Variants in MARK1 observed in about 807,000 individuals in gnomAD.
MARK1 encodes the protein microtubule affinity regulating kinase 1.
MARK1 carries 40 observed loss-of-function variants against 96.3 expected under a neutral mutation model. That is an observed-to-expected ratio of 0.42 (90% CI 0.32 to 0.54). The LOEUF is 0.54. Ranked by LOEUF, MARK1 falls within the 20% of genes least tolerant of loss-of-function variation. MARK1 has a pLI of 0.16. For synonymous variants in MARK1, 317 were observed against 341.2 expected (o/e 0.93, Z 0.78); for missense variants, 719 against 984.6 (o/e 0.73, Z 3.61).
At chr1:220,632,597 A>C (rs1667734070) in intron 11 of MARK1, among the ~76,000 whole-genome samples, 1 of 152,204 alleles carries the variant, frequency 6.6e-6, no homozygotes, top group Admixed American at 6.5e-5. Flanking sequence ...ATCCAAATGT[A>C]ACAGTCCCAC....
At chr1:220,534,972 A>G (rs1216355970) in intron 1 of MARK1, among the ~76,000 whole-genome samples, 1 of 152,030 alleles carries the variant, frequency 6.6e-6, no homozygotes, top group Admixed American at 6.5e-5. Context: ...TATAAATAAT[A>G]CCTCAGTAAA....
intron 11 of MARK1, among the ~76,000 whole-genome samples, chr1:220,633,173 T>C (rs1279854953): frequency 6.6e-6 from 1 of 152,172 alleles, no homozygotes; most frequent in African/African-American, 2.4e-5. Flanking sequence ...AGTGTCCACC[T>C]TCCTGACTCA....
chr1:220,583,709 C>T (rs1474822713), intron 3 of MARK1, among the ~76,000 whole-genome samples: 3 of 149,612 alleles, frequency 2.0e-5, no homozygotes, highest in Non-Finnish European at 4.4e-5. Flanking sequence ...AGTGCAGTGG[C>T]GCGATCTGAG....
At chr1:220,550,700 T>C in intron 1 of MARK1, among the ~76,000 whole-genome samples, 1 of 152,330 alleles carries the variant, frequency 6.6e-6, no homozygotes, top group Middle Eastern at 3.4e-3. Flanking sequence ...TTTTCATCTT[T>C]CTTAAAGTAA....
rs191269298 is a variant in MARK1, at chr1:220,575,668, A to G, written c.52-3686A>G. On this transcript the variant is annotated intron_variant, in intron 1 of 17. Transcript: ENST00000366917. ...GAATGTATAATATATGTAATATAAA[A>G]TATATGCTGTGTATTCTGATTTTTT... 7.7e-3 allele frequency among the ~76,000 whole-genome samples: 1,164 copies of G among 152,126 alleles called. 14 individuals are homozygous for G. The highest frequency in any genetic ancestry group is 0.025 in the African/African-American group (1,053 of 41,530).
intron 9 of MARK1, chr1:220,626,819 C>CAA (rs34627760): frequency 2.5e-3 from 642 of 260,688 alleles, no homozygotes; most frequent in South Asian, 4.6e-3. Context: ...GACTCCATCT[C>CAA]AAAAAAAAAA....
chr1:220,593,283 C>T (rs992181902), intron 3 of MARK1, among the ~76,000 whole-genome samples: 1 of 151,910 alleles, frequency 6.6e-6, no homozygotes, highest in Non-Finnish European at 1.5e-5. Flanking sequence ...ACCTCAGTTA[C>T]ACTTAAGCAT....
intron 1 of MARK1, among the ~76,000 whole-genome samples, chr1:220,569,560 A>G (rs1416453470): frequency 6.6e-6 from 1 of 151,890 alleles, no homozygotes; most frequent in African/African-American, 2.4e-5. Flanking sequence ...ATCCTTAATC[A>G]ATTGTGAATT....
chr1:220,614,523 A>G (rs1208448184), intron 6 of MARK1, among the ~76,000 whole-genome samples: 1 of 152,118 alleles, frequency 6.6e-6, no homozygotes, highest in Non-Finnish European at 1.5e-5. Context: ...GGGGAATAAT[A>G]TATACCTCTC....
intron 12 of MARK1, 109 bp downstream of exon 12, chr1:220,635,638 ACAGACTTATAT>A (rs542745190): frequency 4.5e-5 from 58 of 1,285,066 alleles, no homozygotes; most frequent in Non-Finnish European, 6.0e-5. Context: ...TCTAGTTCTC[ACAGACTTATAT>A]TACTGAATTA....
intron 1 of MARK1, among the ~76,000 whole-genome samples, chr1:220,539,711 G>C (rs1032975049): frequency 6.6e-6 from 1 of 151,276 alleles, no homozygotes; most frequent in Non-Finnish European, 1.5e-5. Flanking sequence ...GTATCCTAGG[G>C]ATAATTGCCT....
chr1:220,532,242 A>G (rs886698443), intron 1 of MARK1, among the ~76,000 whole-genome samples: 14 of 152,218 alleles, frequency 9.2e-5, no homozygotes, highest in African/African-American at 3.1e-4. Flanking sequence ...ATGATTACCT[A>G]TTGTAACTAA....
intron 13 of MARK1, among the ~76,000 whole-genome samples, chr1:220,639,202 G>A (rs965464907): frequency 2.6e-5 from 4 of 152,096 alleles, no homozygotes; most frequent in African/African-American, 9.7e-5. Flanking sequence ...GCTGCAATGA[G>A]CTATGAGCTA....
chr1:220,548,641 A>G (rs1572060012), intron 1 of MARK1, among the ~76,000 whole-genome samples: 1 of 152,146 alleles, frequency 6.6e-6, no homozygotes, highest in Non-Finnish European at 1.5e-5. Flanking sequence ...TGGGAGGCTG[A>G]GGCAGGAGAA....
chr1:220,536,561 CTT>C (rs758585570), intron 1 of MARK1, among the ~76,000 whole-genome samples: 2 of 145,744 alleles, frequency 1.4e-5, no homozygotes, highest in Admixed American at 6.9e-5. Flanking sequence ...TCCTCTCTCT[CTT>C]TTTTTTTTTT....
intron 1 of MARK1, among the ~76,000 whole-genome samples, chr1:220,542,997 T>C (rs1438999308): frequency 1.3e-5 from 2 of 152,258 alleles, no homozygotes; most frequent in African/African-American, 2.4e-5. Context: ...AAAATGTGCA[T>C]AATTTTCTGT....
chr1:220,580,840 A>G (rs1011775977), intron 2 of MARK1, among the ~76,000 whole-genome samples: 3 of 152,224 alleles, frequency 2.0e-5, no homozygotes, highest in African/African-American at 4.8e-5. Flanking sequence ...AGAAATAACA[A>G]AGCTTTCATT....
intron 9 of MARK1, among the ~76,000 whole-genome samples, chr1:220,620,183 T>A (rs1223708711): frequency 6.6e-6 from 1 of 152,220 alleles, no homozygotes; most frequent in Admixed American, 6.5e-5. Flanking sequence ...TTATAGCTTA[T>A]GAGTTTTGTG....
At chr1:220,649,639 C>T (rs1181170479) in intron 13 of MARK1, among the ~76,000 whole-genome samples, 1 of 152,168 alleles carries the variant, frequency 6.6e-6, no homozygotes, top group Non-Finnish European at 1.5e-5. Flanking sequence ...AAAATTCCTT[C>T]CATCTAGGAA....
Sources: gnomAD v4.1 joint callset for allele counts (sites outside exome capture counted in the v4.1 genomes callset) on GRCh38, gnomAD v4.1.1 for gene constraint, MANE v1.5 for transcripts, NCBI Gene and HGNC (gene_info 2026-07-23, HGNC 2026-07-21) for gene names.